MIA3: variants seen among roughly 807,000 people sequenced by gnomAD.
MIA3 encodes transport and Golgi organization protein 1 homolog.
A neutral mutation model predicts 192.4 loss-of-function variants in MIA3; 90 were observed. That is an observed-to-expected ratio of 0.47 (90% CI 0.39 to 0.56). MIA3 has a LOEUF of 0.56. MIA3 is among the 20% of genes least tolerant of loss of function. The pLI is 0.00. For missense variants in MIA3, 2,123 were observed against 2,269.4 expected, an observed-to-expected ratio of 0.94 and a Z score of 1.31; for synonymous variants, 740 against 792.8, an observed-to-expected ratio of 0.93 and a Z score of 1.12.
chr1:222,642,548 T>G (rs1662909995), intron 6 of MIA3, among the ~76,000 whole-genome samples: 1 of 152,220 alleles, frequency 6.6e-6, no homozygotes, highest in Non-Finnish European at 1.5e-5. Context: ...TGTTGTTATA[T>G]CCCCAGTATC....
At position 222,629,112 on chromosome 1, in the gene MIA3, G is replaced by C; in HGVS notation, c.1892G>C (p.Arg631Thr). ...GTTCTTAAAACTCAAAACCAACCTA[G>C]ATTCTCCTCTCCAGATGAGATTGAT... ...ELVLKTQNQP[R>T]FSSPDEIDLP... The change falls in exon 4 of 28, where the codon AGA becomes ACA. Residue 631 changes from arginine (R) to threonine (T), a missense_variant. Coordinates refer to ENST00000344922, the MANE Select transcript of MIA3 (RefSeq NM_198551.4). 6.2e-7 allele frequency: 1 copy of C among 1,614,222 alleles called. No homozygotes were observed. Among genetic ancestry groups the C allele is most frequent in the Non-Finnish European group, 8.5e-7 (1 of 1,180,036 alleles).
chr1:222,652,962 G>C, intron 13 of MIA3, 46 bp from the exon 14 acceptor site: 1 of 1,582,038 alleles, frequency 6.3e-7, no homozygotes, highest in Non-Finnish European at 8.6e-7. Context: ...AATGTCTCCA[G>C]TGCAAAAGCC....
In MIA3 at chr1:222,662,113, C is replaced by G. The variant is rs1302387435; in HGVS notation, c.5171C>G (p.Pro1724Arg). 3 of 1,613,960 alleles carry G rather than the reference C, an allele frequency of 1.9e-6. No individual in the cohort carries two copies. The highest frequency in any genetic ancestry group is 1.7e-5 in the Admixed American group (1 of 60,008). The change falls in exon 25 of 28, where the codon CCC becomes CGC. Residue 1724 changes from proline to arginine, a missense_variant. Physicochemically the swap from Pro to Arg is moderately radical, Grantham distance 103 (BLOSUM62 -2). Coordinates refer to ENST00000344922, the MANE Select transcript of MIA3 (RefSeq NM_198551.4). ...PRWSAEASGKPSPSDPGSGTA... is the reference protein window; with the variant it reads ...PRWSAEASGKRSPSDPGSGTA... ...TGGTCAGCTGAGGCATCTGGGAAAC[C>G]CTCTCCTTCTGGTAAGGGAGCAAGA... is the stretch of plus-strand genomic sequence containing the variant.
chr1:222,661,291 T>C (rs1020323141), intron 24 of MIA3: 9 of 152,498 alleles, frequency 5.9e-5, no homozygotes, highest in African/African-American at 2.2e-4. Flanking sequence ...TACCATAGTT[T>C]GGAGTGTGCA....
rs1463740533 is a variant in MIA3, at chr1:222,618,362, CT to C, written c.133+120del. 2.8e-6 allele frequency: 3 copies of C among 1,069,996 alleles called. No homozygotes were observed. The African/African-American group carries it at 5.0e-5, about 18-fold the overall frequency. The allele number at this position is 1,069,996 out of a possible 1,614,324, so 66.3% of individuals were successfully genotyped here. On this transcript the variant is annotated intron_variant, in intron 1 of 27. Transcript: ENST00000344922. ...TGCGGGGACGGGAGTTCCGCAGCCC[CT>C]GGCCGGCCCGGGGGTCGCAGGCGGG...
chr1:222,627,174 T>C (rs1455759980), intron 3 of MIA3, among the ~76,000 whole-genome samples: 1 of 152,244 alleles, frequency 6.6e-6, no homozygotes, highest in Non-Finnish European at 1.5e-5. Context: ...TAAACTAAGA[T>C]GGACTTATCC....
At chr1:222,635,211 C>T (rs1312458940) in intron 6 of MIA3, among the ~76,000 whole-genome samples, 1 of 152,214 alleles carries the variant, frequency 6.6e-6, no homozygotes, top group Non-Finnish European at 1.5e-5. Flanking sequence ...AAGACAGTCT[C>T]AGAATTCAGA....
chr1:222,618,259 G>T lies in MIA3; in HGVS notation c.133+16G>T. ...GAATGCAGCAGTGAGTGCGCTGGAG[G>T]GGCGGCTGGCCTCGGGGCGGCTGGC... On this transcript the variant is annotated intron_variant, in intron 1 of 27. Coordinates refer to ENST00000344922, the MANE Select transcript of MIA3 (RefSeq NM_198551.4). 7.2e-7 allele frequency: 1 copy of T among 1,396,792 alleles called. No homozygotes were observed. The highest frequency in any genetic ancestry group is 3.1e-5 in the East Asian group (1 of 31,942). The allele number at this position is 1,396,792 out of a possible 1,614,324, so 86.5% of individuals were successfully genotyped here.
intron 25 of MIA3, 59 bp from the exon 26 acceptor site, chr1:222,662,194 C>A: frequency 1.9e-6 from 3 of 1,590,112 alleles, no homozygotes; most frequent in South Asian, 1.1e-5. Context: ...TTTTTTTAAT[C>A]CTCCTCACAG....
intron 6 of MIA3, 24 bp downstream of exon 6, chr1:222,633,273 T>A (rs77378344): frequency 1.3e-5 from 20 of 1,551,222 alleles, no homozygotes; most frequent in South Asian, 3.5e-5. Flanking sequence ...AGTTTTTTTT[T>A]AACTAAAATG....
At chr1:222,622,458 CCAAA>C (rs71807920) in intron 2 of MIA3, among the ~76,000 whole-genome samples, 12,905 of 152,166 alleles carry the variant, frequency 0.085, 648 homozygotes, top group African/African-American at 0.13. Context: ...CAGTAAAACA[CCAAA>C]CAAACAAAGA....
At chr1:222,619,506 A>C (rs989283911) in intron 1 of MIA3, among the ~76,000 whole-genome samples, 1 of 152,258 alleles carries the variant, frequency 6.6e-6, no homozygotes, top group Non-Finnish European at 1.5e-5. Flanking sequence ...AGCCATTCCT[A>C]GAGATAACCC....
intron 6 of MIA3, among the ~76,000 whole-genome samples, chr1:222,643,516 C>T (rs1408073751): frequency 1.3e-5 from 2 of 151,944 alleles, no homozygotes; most frequent in Non-Finnish European, 2.9e-5. Context: ...ATATTCAACT[C>T]GAAGAGAGAC....
chr1:222,621,306 C>G lies in MIA3; in HGVS notation c.267+14C>G, dbSNP rs776161658. 1 of 1,598,410 alleles carries G rather than the reference C, an allele frequency of 6.3e-7. No homozygotes were observed. Among genetic ancestry groups the G allele is most frequent in the Non-Finnish European group, 8.5e-7 (1 of 1,174,916 alleles). The stretch of plus-strand genomic sequence containing the variant: ...TGGGCTGGAAGTGTAAGTAAAATAT[C>G]GACATACTTTATTTGCTTAATTTTT... On this transcript the variant is annotated intron_variant, in intron 2 of 27. Coordinates refer to ENST00000344922, the MANE Select transcript of MIA3 (RefSeq NM_198551.4).
intron 1 of MIA3, among the ~76,000 whole-genome samples, chr1:222,620,220 A>C (rs1017186064): frequency 3.3e-5 from 5 of 152,112 alleles, no homozygotes; most frequent in Non-Finnish European, 5.9e-5. Context: ...TCTTATTTCT[A>C]TTCGTCCTTC....
rs369502195 is a variant in MIA3, at chr1:222,662,235, T to C, written c.5183-18T>C. The C allele has an allele frequency of 1.2e-6, 2 of 1,611,336 alleles. No homozygotes were observed. The highest frequency in any genetic ancestry group is 2.7e-5 in the African/African-American group (2 of 74,856). On this transcript the variant is annotated intron_variant, in intron 25 of 27. Coordinates refer to ENST00000344922, the MANE Select transcript of MIA3 (RefSeq NM_198551.4). Reference sequence around the variant, plus strand: ...ACAAGTCAGAATAAGTCTACATCAGTTCTCTGGTCTTTAACAGATCCAGGA... The same window carrying C: ...ACAAGTCAGAATAAGTCTACATCAGCTCTCTGGTCTTTAACAGATCCAGGA...
intron 8 of MIA3, 48 bp from the exon 9 acceptor site, chr1:222,650,244 A>T (rs778855244): frequency 5.5e-6 from 6 of 1,096,760 alleles, no homozygotes; most frequent in Non-Finnish European, 8.3e-6. Flanking sequence ...GGGTAATTCA[A>T]TTTCATTTAG....
At chr1:222,655,656 C>T (rs1446546073) in intron 18 of MIA3, among the ~76,000 whole-genome samples, 1 of 152,202 alleles carries the variant, frequency 6.6e-6, no homozygotes, top group Non-Finnish European at 1.5e-5. Context: ...AGGTTTTGTT[C>T]AGGCCAGCTC....
In MIA3 at chr1:222,629,377, A is replaced by T; in HGVS notation, c.2157A>T (p.Lys719Asn). ...CAGGAGGACCAGCTTTCCTTTCTAAAGTAGAAGAGGATGATTATCCCTCTG... is the reference window on the plus strand; with the variant it reads ...CAGGAGGACCAGCTTTCCTTTCTAATGTAGAAGAGGATGATTATCCCTCTG... ...DSTGGPAFLS[K>N]VEEDDYPSEE... is the part of the protein sequence containing the mutation. Residue 719 changes from lysine to asparagine, a missense_variant, in exon 4 of 28, where the codon AAA becomes AAT. By Grantham distance (94) the Lys-to-Asn change is moderately conservative. Coordinates refer to ENST00000344922, the MANE Select transcript of MIA3 (RefSeq NM_198551.4). 6.2e-7 allele frequency: 1 copy of T among 1,614,224 alleles called. No homozygotes were observed. Among genetic ancestry groups the T allele is most frequent in the Admixed American group, 1.7e-5 (1 of 60,032 alleles).
Sources: gnomAD v4.1 joint callset for allele counts (sites outside exome capture counted in the v4.1 genomes callset) on GRCh38, gnomAD v4.1.1 for gene constraint, MANE v1.5 for transcripts, NCBI Gene and HGNC (gene_info 2026-07-23, HGNC 2026-07-21) for gene names.